MBD5: variants seen among roughly 807,000 people sequenced by gnomAD.
The protein encoded by MBD5 is methyl-CpG binding domain protein 5.
Under a neutral mutation model 117.3 loss-of-function variants are expected in MBD5, and 13 were observed. The ratio of observed to expected loss-of-function variants is 0.11; its 90% CI spans 0.07 to 0.18. MBD5 has a LOEUF of 0.18. Ranked by LOEUF, MBD5 falls within the 10% of genes least tolerant of loss-of-function variation. The pLI is 1.00. For synonymous variants in MBD5, 727 were observed against 766.4 expected, an observed-to-expected ratio of 0.95 and a Z score of 0.85; for missense variants, 1,879 against 2,093.8, an observed-to-expected ratio of 0.90 and a Z score of 2.00.
At chr2:148,352,637 G>C (rs1703273717) in intron 4 of MBD5, among the ~76,000 whole-genome samples, 1 of 151,982 alleles carries the variant, frequency 6.6e-6, no homozygotes, top group Non-Finnish European at 1.5e-5. Context: ...AAACTTTGGG[G>C]ATTGACTATT....
intron 1 of MBD5, among the ~76,000 whole-genome samples, chr2:148,103,262 T>A (rs1024973368): frequency 6.6e-6 from 1 of 152,182 alleles, no homozygotes; most frequent in African/African-American, 2.4e-5. Flanking sequence ...CAAAGTCTTT[T>A]TTTCTCTTCA....
At chr2:148,061,725 A>T (rs1207877906) in intron 1 of MBD5, among the ~76,000 whole-genome samples, 3 of 151,960 alleles carry the variant, frequency 2.0e-5, no homozygotes, top group Non-Finnish European at 4.4e-5. Context: ...TTCTTGAATC[A>T]GTCTATGAAA....
chr2:148,455,654 T>C (rs1030057657), intron 4 of MBD5, among the ~76,000 whole-genome samples: 6 of 152,006 alleles, frequency 3.9e-5, no homozygotes, highest in African/African-American at 1.2e-4. Context: ...GGGAAGCATT[T>C]GGCAGGAATC....
At position 148,514,483 on chromosome 2, in the gene MBD5, T is replaced by G. The variant is rs1682300033; in HGVS notation, c.*1542T>G. The G allele has an allele frequency of 6.6e-6, 1 of 152,316 alleles. No homozygotes were observed. The highest frequency in any genetic ancestry group is 3.4e-3 in the Middle Eastern group (1 of 294). 9.4% of individuals were successfully genotyped at this position (152,316 alleles called of 1,614,324 possible). ...AAGAAGGGATCTATTATCCCTTTAT[T>G]CTTGGAACCACCAGTCCCTGCCCCA... On this transcript the variant is annotated 3_prime_UTR_variant, in exon 14 of 14. Transcript: ENST00000642680.
chr2:148,266,689 A>G (rs565105621), intron 3 of MBD5, among the ~76,000 whole-genome samples: 1 of 152,282 alleles, frequency 6.6e-6, no homozygotes, highest in South Asian at 2.1e-4. Context: ...CTCCCCTATC[A>G]ATAATCAATT....
chr2:148,324,783 G>C lies in MBD5; in HGVS notation c.-679-17431G>C, dbSNP rs565041023. Among the ~76,000 whole-genome samples, 7 of 152,210 alleles carry C rather than the reference G, an allele frequency of 4.6e-5. No individual in the cohort carries two copies. The South Asian group carries it at 1.5e-3, about 32-fold the overall frequency. ...TATACAATCATGTCATCTGCAAACA[G>C]GGACAATTTGACTTCCTCTTTTCCT... On this transcript the variant is annotated intron_variant, in intron 3 of 13. Coordinates refer to ENST00000642680, the MANE Select transcript of MBD5 (RefSeq NM_001378120.1).
At chr2:148,068,209 A>T (rs1429521609) in intron 1 of MBD5, among the ~76,000 whole-genome samples, 4 of 152,144 alleles carry the variant, frequency 2.6e-5, no homozygotes, top group Non-Finnish European at 5.9e-5. Context: ...GAGGCCAGGA[A>T]AAAAAAGCTC....
chr2:148,445,072 T>C (rs78840900), intron 4 of MBD5, among the ~76,000 whole-genome samples: 2,763 of 151,294 alleles, frequency 0.018, 225 homozygotes, highest in African/African-American at 0.065. Flanking sequence ...TTGCCACACC[T>C]TGTCCTACAC....
rs538263228 is a variant in MBD5 at position 148,069,596 on chromosome 2, T to C, written c.-925+47912T>C. On this transcript the variant is annotated intron_variant, in intron 1 of 13. Transcript: ENST00000642680. ...GGGTAATAAGGAGTTTGTGGGGAAC[T>C]AGAGCAGGCAGTTTTTGTCTATACA... Among the ~76,000 whole-genome samples the C allele has an allele frequency of 3.9e-5, 6 of 152,252 alleles. No homozygotes were observed. In the South Asian group the frequency reaches 8.3e-4, roughly 21 times the overall value.
At chr2:148,293,181 C>T (rs1701541507) in intron 3 of MBD5, among the ~76,000 whole-genome samples, 1 of 147,494 alleles carries the variant, frequency 6.8e-6, no homozygotes, top group Non-Finnish European at 1.5e-5. Context: ...ATTAGCCAGG[C>T]ATGGTGGCAT....
intron 1 of MBD5, among the ~76,000 whole-genome samples, chr2:148,065,724 TGAA>T (rs1173264429): frequency 1.3e-5 from 2 of 152,204 alleles, no homozygotes; most frequent in African/African-American, 2.4e-5. Flanking sequence ...AATAAAATGC[TGAA>T]GTTTGATATT....
chr2:148,151,304 G>T (rs1250913046), intron 1 of MBD5, among the ~76,000 whole-genome samples: 1 of 151,688 alleles, frequency 6.6e-6, no homozygotes, highest in Admixed American at 6.6e-5. Flanking sequence ...ACTTGATCAT[G>T]GTGGATAAGC....
At position 148,079,857 on chromosome 2, in the gene MBD5, AAACAACAACAAC is replaced by A. The variant is rs201427792; in HGVS notation, c.-925+58209_-925+58220del. ...AGGCGACAGAGGGAGACTCTGTCTA[AAACAACAACAAC>A]AACAACAACAACAACAACAACAACA... is the stretch of plus-strand genomic sequence containing the variant. On this transcript the variant is annotated intron_variant, in intron 1 of 13. Coordinates refer to ENST00000642680, the MANE Select transcript of MBD5 (RefSeq NM_001378120.1). 1.7e-3 allele frequency among the ~76,000 whole-genome samples: 206 copies of A among 123,582 alleles called. 2 individuals carry two copies. The highest frequency in any genetic ancestry group is 4.3e-3 in the African/African-American group (152 of 35,426). 81.1% of individuals were successfully genotyped at this position (123,582 alleles called of 152,430 possible). A position where few individuals can be genotyped will look rare whatever the true frequency, so the allele number is the denominator to read the frequency against.
chr2:148,482,998 G>T (rs766574661), intron 8 of MBD5, 112 bp from the exon 9 acceptor site: 4 of 1,169,430 alleles, frequency 3.4e-6, no homozygotes, highest in Non-Finnish European at 4.9e-6. Context: ...AATCAATGAA[G>T]GTGCCATGGA....
At position 148,463,875 on chromosome 2, in the gene MBD5, C is replaced by A. The variant is rs765892446; in HGVS notation, c.353C>A (p.Ala118Asp). Residue 118 changes from alanine (A) to aspartate (D), a missense_variant, in exon 7 of 14, where the codon GCC (alanine) becomes GAC (aspartate). Transcript: ENST00000642680. Reference sequence around the variant, plus strand: ...GCCACACTTCATAAAAGCATGGAAGCCCCACATCCTTCTCTGGTGCTCACC... The same window carrying A: ...GCCACACTTCATAAAAGCATGGAAGACCCACATCCTTCTCTGGTGCTCACC... ...AVATLHKSME[A>D]PHPSLVLTSP... 21 of 1,613,502 alleles carry A rather than the reference C, an allele frequency of 1.3e-5. No individual in the cohort carries two copies. In the African/African-American group the frequency reaches 2.7e-4, roughly 21 times the overall value.
intron 3 of MBD5, among the ~76,000 whole-genome samples, chr2:148,340,837 TACACACACACACAC>T (rs141965837): frequency 4.2e-5 from 6 of 142,460 alleles, no homozygotes; most frequent in African/African-American, 5.3e-5. Flanking sequence ...AAACCACACA[TACACACACACACAC>T]ACACACACAC....
chr2:148,454,398 TC>T (rs1476625510), intron 4 of MBD5, among the ~76,000 whole-genome samples: 2 of 152,310 alleles, frequency 1.3e-5, no homozygotes, highest in East Asian at 3.9e-4. Flanking sequence ...GAATCCTATA[TC>T]TGCAACAGAG....
intron 4 of MBD5, among the ~76,000 whole-genome samples, chr2:148,451,187 G>A (rs1486360000): frequency 6.6e-6 from 1 of 152,108 alleles, no homozygotes; most frequent in Non-Finnish European, 1.5e-5. Context: ...TGTGCTAGGG[G>A]TAGTTAGAGT....
intron 2 of MBD5, among the ~76,000 whole-genome samples, chr2:148,202,025 A>T (rs74921739): frequency 0.018 from 2,749 of 152,222 alleles, 39 homozygotes; most frequent in Non-Finnish European, 0.028. Context: ...TAGGCTTTAA[A>T]CTGTCATTGG....
Sources: gnomAD v4.1 joint callset for allele counts (sites outside exome capture counted in the v4.1 genomes callset) on GRCh38, gnomAD v4.1.1 for gene constraint, MANE v1.5 for transcripts, NCBI Gene and HGNC (gene_info 2026-07-23, HGNC 2026-07-21) for gene names.